Variants in SDK1 observed in about 807,000 individuals in gnomAD.
SDK1 encodes sidekick cell adhesion molecule 1.
A neutral mutation model predicts 245.5 loss-of-function variants in SDK1; 157 were observed. The ratio of observed to expected loss-of-function variants is 0.64; its 90% CI spans 0.56 to 0.73. SDK1 has a LOEUF of 0.73. SDK1 is among the 30% of genes least tolerant of loss of function. The pLI, the probability that SDK1 is intolerant of heterozygous loss-of-function variation, is 0.00. For synonymous variants in SDK1, 1,647 were observed against 1,278.5 expected, an observed-to-expected ratio of 1.29 and a Z score of -6.15; for missense variants, 3,583 against 3,002.3, an observed-to-expected ratio of 1.19 and a Z score of -4.52.
At chr7:3,354,737 C>T (rs1216862933) in intron 1 of SDK1, among the ~76,000 whole-genome samples, 1 of 152,136 alleles carries the variant, frequency 6.6e-6, no homozygotes, top group Non-Finnish European at 1.5e-5. Flanking sequence ...ATATGTTAAC[C>T]CCTGCCCTTA....
chr7:3,942,993 A>G (rs999611313), intron 5 of SDK1, among the ~76,000 whole-genome samples: 2 of 152,194 alleles, frequency 1.3e-5, no homozygotes, highest in African/African-American at 4.8e-5. Context: ...CAGCCTGGCC[A>G]CGTGCGGGGA....
chr7:3,524,225 G>A (rs761867796), intron 1 of SDK1, among the ~76,000 whole-genome samples: 1 of 152,170 alleles, frequency 6.6e-6, no homozygotes, highest in Non-Finnish European at 1.5e-5. Context: ...AGTTTGTATA[G>A]GGCTTTCTAA....
At chr7:3,449,491 C>A (rs1012976644) in intron 1 of SDK1, among the ~76,000 whole-genome samples, 1 of 152,120 alleles carries the variant, frequency 6.6e-6, no homozygotes. Context: ...GTATCAGTTA[C>A]AGATTTGAGA....
chr7:3,317,991 C>T (rs1219392561), intron 1 of SDK1, among the ~76,000 whole-genome samples: 2 of 152,096 alleles, frequency 1.3e-5, no homozygotes, highest in African/African-American at 2.4e-5. Context: ...GATCCTCAGC[C>T]CCCTAGTTCC....
intron 1 of SDK1, among the ~76,000 whole-genome samples, chr7:3,436,663 T>A (rs1374844452): frequency 6.6e-6 from 1 of 152,214 alleles, no homozygotes; most frequent in African/African-American, 2.4e-5. Context: ...AATATTTTTC[T>A]CTTATTTTTA....
intron 4 of SDK1, among the ~76,000 whole-genome samples, chr7:3,703,662 G>A (rs1484907974): frequency 1.3e-5 from 2 of 152,030 alleles, no homozygotes; most frequent in Non-Finnish European, 2.9e-5. Flanking sequence ...AGAGAATCAG[G>A]GTAAAGGGCG....
At chr7:4,244,192 T>C (rs1244817616) in intron 43 of SDK1, among the ~76,000 whole-genome samples, 1 of 152,170 alleles carries the variant, frequency 6.6e-6, no homozygotes, top group Non-Finnish European at 1.5e-5. Context: ...TCCTGGCCTG[T>C]AGCCTCTCCT....
intron 1 of SDK1, among the ~76,000 whole-genome samples, chr7:3,509,067 GGTGTGTGTGT>G (rs911519846): frequency 3.5e-5 from 5 of 143,410 alleles, no homozygotes; most frequent in Non-Finnish European, 7.6e-5. Flanking sequence ...AGGAAGGTGG[GGTGTGTGTGT>G]GTGTGTGCGT....
chr7:3,400,837 T>A (rs1034210460), intron 1 of SDK1, among the ~76,000 whole-genome samples: 3 of 152,188 alleles, frequency 2.0e-5, no homozygotes, highest in African/African-American at 7.2e-5. Flanking sequence ...AACAGAGCTT[T>A]ATAAAGGAGC....
At chr7:3,842,125 G>C (rs992801685) in intron 5 of SDK1, among the ~76,000 whole-genome samples, 17 of 152,320 alleles carry the variant, frequency 1.1e-4, no homozygotes, top group African/African-American at 4.1e-4. Context: ...TAAAAATGTA[G>C]TTGTTCAATA....
chr7:3,967,232 C>G (rs961903717), intron 9 of SDK1, 86 bp from the exon 10 acceptor site: 14 of 1,048,602 alleles, frequency 1.3e-5, no homozygotes, highest in African/African-American at 1.2e-4. Flanking sequence ...GATTGGCTCT[C>G]TAAAGCCCGT....
chr7:3,664,080 A>G (rs957921701), intron 4 of SDK1, among the ~76,000 whole-genome samples: 1 of 151,962 alleles, frequency 6.6e-6, no homozygotes, highest in African/African-American at 2.4e-5. Flanking sequence ...ACAACATTCA[A>G]TGCTTGTTGA....
At chr7:3,626,464 C>T (rs1353659816) in intron 2 of SDK1, among the ~76,000 whole-genome samples, 1 of 152,226 alleles carries the variant, frequency 6.6e-6, no homozygotes, top group Admixed American at 6.5e-5. Context: ...TTTATGTTCT[C>T]CTGCCCATTT....
intron 5 of SDK1, among the ~76,000 whole-genome samples, chr7:3,945,978 A>T (rs1030217860): frequency 1.7e-4 from 23 of 138,258 alleles, no homozygotes; most frequent in African/African-American, 5.9e-4. Context: ...AAAGGAAAAT[A>T]TTGGAAAAAA....
chr7:3,429,536 A>G (rs1779771579), intron 1 of SDK1, among the ~76,000 whole-genome samples: 1 of 151,950 alleles, frequency 6.6e-6, no homozygotes, highest in African/African-American at 2.4e-5. Flanking sequence ...TGGACCTTGG[A>G]ATGTAATTTT....
chr7:4,110,296 C>G (rs1394526546), intron 22 of SDK1, among the ~76,000 whole-genome samples: 6 of 152,202 alleles, frequency 3.9e-5, no homozygotes, highest in Non-Finnish European at 8.8e-5. Context: ...TAGGCTTTCT[C>G]TGAGCCCTCA....
chr7:3,851,865 C>T (rs1259675847), intron 5 of SDK1, among the ~76,000 whole-genome samples: 1 of 152,138 alleles, frequency 6.6e-6, no homozygotes, highest in Non-Finnish European at 1.5e-5. Flanking sequence ...AGAATATGAT[C>T]TATAAATAAA....
chr7:4,188,194 T>C (rs978236519), intron 35 of SDK1, among the ~76,000 whole-genome samples: 1 of 152,266 alleles, frequency 6.6e-6, no homozygotes, highest in Non-Finnish European at 1.5e-5. Context: ...TAGCTGTATA[T>C]CTGCCTTTAG....
At chr7:3,677,856 C>A (rs933912278) in intron 4 of SDK1, among the ~76,000 whole-genome samples, 1 of 152,202 alleles carries the variant, frequency 6.6e-6, no homozygotes, top group Non-Finnish European at 1.5e-5. Flanking sequence ...GGATAACCAG[C>A]TGATTTTTTG....
Sources: gnomAD v4.1 joint callset for allele counts (sites outside exome capture counted in the v4.1 genomes callset) on GRCh38, gnomAD v4.1.1 for gene constraint, MANE v1.5 for transcripts, NCBI Gene and HGNC (gene_info 2026-07-23, HGNC 2026-07-21) for gene names.